Variants in CHL1 observed in about 807,000 individuals in gnomAD.
The protein encoded by CHL1 is cell adhesion molecule L1 like, also known as neural cell adhesion molecule L1-like protein.
Under a neutral mutation model 141.9 loss-of-function variants are expected in CHL1, and 96 were observed. The ratio of observed to expected loss-of-function variants is 0.68; its 90% confidence interval spans 0.57 to 0.80. The LOEUF is 0.80. Ranked by LOEUF, CHL1 falls within the 30% of genes least tolerant of loss-of-function variation. The pLI is 0.00. For missense variants in CHL1, 1,820 were observed against 1,457.2 expected (o/e 1.25, Z -4.05); for synonymous variants, 613 against 502.2 (o/e 1.22, Z -2.95).
At chr3:350,498 T>A (rs1703150735) in intron 10 of CHL1, among the ~76,000 whole-genome samples, 1 of 152,190 alleles carries the variant, frequency 6.6e-6, no homozygotes, top group African/African-American at 2.4e-5. Flanking sequence ...TAGACTACAA[T>A]TTAGTGAACT....
At chr3:309,182 A>ACACCCCGCGTGGATGCGGCGAGGG (rs1699523012) in intron 2 of CHL1, 1 of 152,130 alleles carries the variant, frequency 6.6e-6, no homozygotes, top group South Asian at 2.1e-4. Flanking sequence ...CTCCCCACAC[A>ACACCCCGCGTGGATGCGGCGAGGG]CACCCCGCGT....
chr3:355,678 A>G (rs1320422141), intron 11 of CHL1, among the ~76,000 whole-genome samples: 1 of 152,188 alleles, frequency 6.6e-6, no homozygotes, highest in Non-Finnish European at 1.5e-5. Context: ...GCACCTTGCC[A>G]GCTGTTTCAT....
chr3:226,575 G>A (rs980701780), intron 1 of CHL1, among the ~76,000 whole-genome samples: 1 of 151,220 alleles, frequency 6.6e-6, no homozygotes, highest in Non-Finnish European at 1.5e-5. Flanking sequence ...TCAGCCTCCC[G>A]AGTGGCTGGG....
chr3:253,281 C>T (rs1444360046), intron 2 of CHL1, among the ~76,000 whole-genome samples: 3 of 152,048 alleles, frequency 2.0e-5, no homozygotes, highest in Non-Finnish European at 4.4e-5. Flanking sequence ...TCCCTTAGCA[C>T]CATAGTTATA....
intron 14 of CHL1, among the ~76,000 whole-genome samples, chr3:365,526 C>T (rs1193984454): frequency 1.3e-5 from 2 of 152,166 alleles, no homozygotes; most frequent in East Asian, 3.9e-4. Context: ...CATTCATGGG[C>T]TTAAACATTT....
At chr3:295,949 T>G (rs1435400353) in intron 2 of CHL1, among the ~76,000 whole-genome samples, 1 of 152,208 alleles carries the variant, frequency 6.6e-6, no homozygotes, top group Non-Finnish European at 1.5e-5. Flanking sequence ...AGAGAGAACC[T>G]TGGTGCCCCT....
At chr3:356,277 A>G (rs1169474802) in intron 11 of CHL1, among the ~76,000 whole-genome samples, 1 of 152,250 alleles carries the variant, frequency 6.6e-6, no homozygotes, top group Non-Finnish European at 1.5e-5. Flanking sequence ...CCGGAACACA[A>G]AATCATAAAA....
At chr3:353,994 G>C (rs1249408579) in intron 10 of CHL1, among the ~76,000 whole-genome samples, 3 of 152,102 alleles carry the variant, frequency 2.0e-5, no homozygotes, top group African/African-American at 7.2e-5. Flanking sequence ...TTACACTGGA[G>C]CATTAGGGCA....
At chr3:394,176 A>G (rs1240507704) in intron 23 of CHL1, among the ~76,000 whole-genome samples, 1 of 152,186 alleles carries the variant, frequency 6.6e-6, no homozygotes, top group African/African-American at 2.4e-5. Flanking sequence ...AATATTTAAT[A>G]TATTCCTTCA....
chr3:364,352 A>G (rs1346795503), intron 14 of CHL1, among the ~76,000 whole-genome samples: 1 of 152,168 alleles, frequency 6.6e-6, no homozygotes, highest in Non-Finnish European at 1.5e-5. Flanking sequence ...ACACTTTTCA[A>G]GATGCCCTCA....
intron 2 of CHL1, among the ~76,000 whole-genome samples, chr3:267,788 C>T (rs1392090243): frequency 5.9e-5 from 9 of 152,124 alleles, no homozygotes; most frequent in Admixed American, 5.9e-4. Flanking sequence ...CCCTAAGACT[C>T]AAGATGTGTT....
chr3:211,160 C>G (rs1364189268), intron 1 of CHL1, among the ~76,000 whole-genome samples: 1 of 152,170 alleles, frequency 6.6e-6, no homozygotes, highest in Non-Finnish European at 1.5e-5. Context: ...CAAGGCTTCA[C>G]TCTTGAGGAG....
chr3:364,200 T>G (rs1166750439), intron 14 of CHL1, among the ~76,000 whole-genome samples: 1 of 152,202 alleles, frequency 6.6e-6, no homozygotes, highest in East Asian at 1.9e-4. Context: ...TACATCCTTT[T>G]CTTATTTTAT....
intron 3 of CHL1, among the ~76,000 whole-genome samples, chr3:323,182 C>A (rs574972435): frequency 6.6e-6 from 1 of 151,958 alleles, no homozygotes; most frequent in East Asian, 1.9e-4. Context: ...GAAAGTGAAC[C>A]AAGTGAGCCC....
intron 1 of CHL1, among the ~76,000 whole-genome samples, chr3:204,473 G>C (rs1265392935): frequency 6.6e-6 from 1 of 152,164 alleles, no homozygotes. Context: ...TTAATGTGAG[G>C]AATTTTTATT....
intron 2 of CHL1, among the ~76,000 whole-genome samples, chr3:296,547 C>T (rs17021421): frequency 6.6e-6 from 1 of 152,020 alleles, no homozygotes; most frequent in Non-Finnish European, 1.5e-5. Context: ...GTTTCATGAC[C>T]ACAGAGGAAA....
chr3:396,204 G>A (rs1708651827), intron 24 of CHL1, among the ~76,000 whole-genome samples: 1 of 152,140 alleles, frequency 6.6e-6, no homozygotes, highest in Non-Finnish European at 1.5e-5. Context: ...ACTCATAAAA[G>A]TTAGACTTAA....
At chr3:354,055 G>T (rs940075090) in intron 10 of CHL1, among the ~76,000 whole-genome samples, 1 of 152,078 alleles carries the variant, frequency 6.6e-6, no homozygotes, top group African/African-American at 2.4e-5. Flanking sequence ...TGTTTTGACT[G>T]CAGAAAGCTA....
intron 2 of CHL1, among the ~76,000 whole-genome samples, chr3:307,640 C>T (rs1019928821): frequency 3.3e-5 from 5 of 152,072 alleles, no homozygotes; most frequent in African/African-American, 9.7e-5. Context: ...TCTAGCAAAT[C>T]CACCAATATA....
Sources: allele counts gnomAD v4.1 joint callset (sites outside exome capture counted in the v4.1 genomes callset), GRCh38; gene constraint gnomAD v4.1.1; transcripts MANE v1.5; gene names NCBI Gene and HGNC (gene_info 2026-07-23, HGNC 2026-07-21).